Variants in REEP1 observed in about 807,000 individuals in gnomAD.
REEP1 encodes the protein receptor accessory protein 1.
A neutral mutation model predicts 40.3 loss-of-function variants in REEP1; 22 were observed. The ratio of observed to expected loss-of-function variants is 0.55; its 90% confidence interval spans 0.39 to 0.78. The LOEUF is 0.78. Among genes scored for constraint, REEP1 ranks in the 30% least tolerant of loss-of-function variants. REEP1 has a pLI of 0.00. For missense variants in REEP1, 280 were observed against 361.1 expected (o/e 0.78, Z 1.82); for synonymous variants, 116 against 139.2 (o/e 0.83, Z 1.17).
In REEP1 at chr2:86,215,102, A is replaced by AGAG. The variant is rs1049182770; in HGVS notation, c.*1934_*1936dup. ...CAACTAACAGGTAAATACATTTTAAAGAGTATATTCTTCTTCTGTCTGGAA... is the reference window on the plus strand; with the variant it reads ...CAACTAACAGGTAAATACATTTTAAAGAGGAGTATATTCTTCTTCTGTCTGGAA... On this transcript the variant is annotated 3_prime_UTR_variant, in exon 9 of 9. Coordinates refer to ENST00000538924, the MANE Select transcript of REEP1 (RefSeq NM_001371279.1). 10 of 148,308 alleles carry AGAG rather than the reference A, an allele frequency of 6.7e-5. No homozygotes were observed. Among genetic ancestry groups the AGAG allele is most frequent in the Admixed American group, 5.5e-4 (8 of 14,652 alleles). The allele number at this position is 148,308 out of a possible 1,614,324, so 9.2% of individuals were successfully genotyped here.
chr2:86,309,476 C>T (rs112843997), intron 1 of REEP1, among the ~76,000 whole-genome samples: 3 of 152,264 alleles, frequency 2.0e-5, no homozygotes, highest in Admixed American at 6.5e-5. Flanking sequence ...CACCTCTTGA[C>T]TCTTACTCTT....
At chr2:86,325,981 T>C (rs990626347) in intron 1 of REEP1, among the ~76,000 whole-genome samples, 1 of 152,164 alleles carries the variant, frequency 6.6e-6, no homozygotes, top group Non-Finnish European at 1.5e-5. Context: ...GTCCCCCCGG[T>C]AGGAAGACAA....
chr2:86,285,007 A>G (rs1263562459), intron 1 of REEP1, among the ~76,000 whole-genome samples: 8 of 152,240 alleles, frequency 5.3e-5, no homozygotes, highest in Admixed American at 2.0e-4. Context: ...TATTTTGGAA[A>G]TAAGGAATAA....
intron 5 of REEP1, among the ~76,000 whole-genome samples, chr2:86,246,715 T>C (rs1402732896): frequency 6.6e-6 from 1 of 151,712 alleles, no homozygotes; most frequent in African/African-American, 2.4e-5. Context: ...TTTCTTTTTT[T>C]TTTTTGACAG....
chr2:86,230,949 G>A (rs1674977421), intron 6 of REEP1, among the ~76,000 whole-genome samples: 1 of 152,218 alleles, frequency 6.6e-6, no homozygotes, highest in South Asian at 2.1e-4. Context: ...ATGAGCTGAT[G>A]CAGTGTGGAG....
intron 5 of REEP1, among the ~76,000 whole-genome samples, chr2:86,235,573 A>C (rs765175585): frequency 6.6e-6 from 1 of 152,224 alleles, no homozygotes; most frequent in Non-Finnish European, 1.5e-5. Context: ...GAGGTGGAAA[A>C]GGTCACTTCC....
Position 86,270,946 on chromosome 2 carries a change from C to T in REEP1, c.106-6905G>A, listed in dbSNP as rs372003770. ...ACCCTGATCAGGTGTGATGGGAACA[C>T]TTTGGGAGGCTGAGGCAGGTGGATC... On this transcript the variant is annotated intron_variant, in intron 2 of 8. Transcript: ENST00000538924. Among the ~76,000 whole-genome samples, 7 of 152,120 alleles carry T rather than the reference C, an allele frequency of 4.6e-5. 1 individual carries two copies. Among genetic ancestry groups the T allele is most frequent in the South Asian group, 4.2e-4 (2 of 4,808 alleles).
chr2:86,310,160 T>C (rs1020426644), intron 1 of REEP1, among the ~76,000 whole-genome samples: 1 of 152,212 alleles, frequency 6.6e-6, no homozygotes, highest in African/African-American at 2.4e-5. Flanking sequence ...CGCCTCCCCA[T>C]GGTCCATCAC....
chr2:86,332,129 G>C (rs142531515), intron 1 of REEP1, among the ~76,000 whole-genome samples: 5 of 152,256 alleles, frequency 3.3e-5, no homozygotes, highest in Non-Finnish European at 5.9e-5. Flanking sequence ...TCTGTATAAA[G>C]ACAGATGAGA....
intron 1 of REEP1, among the ~76,000 whole-genome samples, chr2:86,313,941 T>C (rs907959204): frequency 2.0e-5 from 3 of 152,208 alleles, no homozygotes; most frequent in Non-Finnish European, 4.4e-5. Context: ...TTTAAGTAGA[T>C]TCAAATTTAA....
intron 2 of REEP1, among the ~76,000 whole-genome samples, chr2:86,272,376 CT>C (rs1296621671): frequency 6.6e-6 from 1 of 152,208 alleles, no homozygotes; most frequent in Non-Finnish European, 1.5e-5. Flanking sequence ...GGGGCCTCCA[CT>C]TTGTAACATA....
intron 1 of REEP1, among the ~76,000 whole-genome samples, chr2:86,302,300 T>A (rs927064016): frequency 6.6e-6 from 1 of 152,228 alleles, no homozygotes; most frequent in Non-Finnish European, 1.5e-5. Context: ...CTGGCTCCTA[T>A]CACAAGAAAA....
chr2:86,297,797 T>C, intron 1 of REEP1: 1 of 881,842 alleles, frequency 1.1e-6, no homozygotes, highest in Non-Finnish European at 1.4e-6. Context: ...CAGAAGACTC[T>C]GGGGGATCTC....
intron 2 of REEP1, among the ~76,000 whole-genome samples, chr2:86,269,657 A>G (rs1166654591): frequency 6.6e-6 from 1 of 152,152 alleles, no homozygotes; most frequent in Admixed American, 6.5e-5. Context: ...CCTTCCTCCC[A>G]GCAAAGGACA....
intron 2 of REEP1, among the ~76,000 whole-genome samples, chr2:86,273,355 G>T (rs115693827): frequency 0.011 from 1,575 of 149,430 alleles, 30 homozygotes; most frequent in African/African-American, 0.037. Context: ...TGCAAACACA[G>T]CTCACTGCAG....
intron 2 of REEP1, among the ~76,000 whole-genome samples, chr2:86,274,260 G>C (rs1026977787): frequency 6.6e-6 from 1 of 152,218 alleles, no homozygotes; most frequent in Non-Finnish European, 1.5e-5. Context: ...AATTTAGGCA[G>C]AAGAGTTTGA....
At chr2:86,283,354 T>A (rs1382803513) in intron 1 of REEP1, among the ~76,000 whole-genome samples, 1 of 152,180 alleles carries the variant, frequency 6.6e-6, no homozygotes. Context: ...AGGTGCCAAC[T>A]TAAGGCCAAG....
At chr2:86,268,385 T>C (rs554984820) in intron 2 of REEP1, among the ~76,000 whole-genome samples, 8 of 152,348 alleles carry the variant, frequency 5.3e-5, no homozygotes, top group Non-Finnish European at 1.2e-4. Flanking sequence ...ATGCTACTTA[T>C]GTTAGTACCA....
chr2:86,249,424 T>C (rs960242435), intron 5 of REEP1, among the ~76,000 whole-genome samples: 10 of 152,268 alleles, frequency 6.6e-5, no homozygotes, highest in Middle Eastern at 3.4e-3. Flanking sequence ...AGGAGGTGAA[T>C]CTGCATTCCA....
Sources: gnomAD v4.1 joint callset for allele counts (sites outside exome capture counted in the v4.1 genomes callset) on GRCh38, gnomAD v4.1.1 for gene constraint, MANE v1.5 for transcripts, NCBI Gene and HGNC (gene_info 2026-07-23, HGNC 2026-07-21) for gene names.